ATP8A2: variants seen among roughly 807,000 people sequenced by gnomAD.
ATP8A2 encodes phospholipid-transporting ATPase IB.
ATP8A2 carries 100 observed loss-of-function variants against 165.6 expected under a neutral mutation model. The observed-to-expected ratio is 0.60, with a 90% CI of 0.51 to 0.71. ATP8A2 has a LOEUF of 0.71. Among genes scored for constraint, ATP8A2 ranks in the 30% least tolerant of loss-of-function variants. The probability of loss-of-function intolerance (pLI) is 0.00; values close to 1 mark genes in which losing one functional copy is unlikely to be tolerated. For synonymous variants in ATP8A2, 543 were observed against 548.8 expected (o/e 0.99, Z 0.15); for missense variants, 1,227 against 1,479.5 (o/e 0.83, Z 2.80).
rs1163554230 is a variant in ATP8A2 at position 25,935,759 on chromosome 13, A to T, written c.3184-25816A>T. Among the ~76,000 whole-genome samples, 11 of 152,310 alleles carry T rather than the reference A, an allele frequency of 7.2e-5. No homozygotes were observed. The East Asian group carries it at 1.9e-3, about 27-fold the overall frequency. Reference sequence around the variant, plus strand: ...CCCCATGGTCCAAACACCTCCCATGAGACCCCACCTTCAACGTGGGGGATC... The same window carrying T: ...CCCCATGGTCCAAACACCTCCCATGTGACCCCACCTTCAACGTGGGGGATC... On this transcript the variant is annotated intron_variant, in intron 33 of 36. Transcript: ENST00000381655.
At chr13:25,407,947 C>A (rs1022603317) in intron 1 of ATP8A2, among the ~76,000 whole-genome samples, 12 of 152,126 alleles carry the variant, frequency 7.9e-5, no homozygotes, top group African/African-American at 2.4e-4. Context: ...AGCATTAGGA[C>A]AAATACATAA....
rs374290230 is a variant in ATP8A2, at chr13:25,501,101, G to C, written c.222-28898G>C. 3.3e-5 allele frequency among the ~76,000 whole-genome samples: 5 copies of C among 152,156 alleles called. No individual in the cohort carries two copies. In the East Asian group the frequency reaches 7.7e-4, roughly 23 times the overall value. ...TTTAGAAGTATGGTTGGGCAGAAAG[G>C]GGGAGGCATGAAAGAGATGCAGAAG... is the stretch of plus-strand genomic sequence containing the variant. On this transcript the variant is annotated intron_variant, in intron 2 of 36. Coordinates refer to ENST00000381655, the MANE Select transcript of ATP8A2 (RefSeq NM_016529.6).
chr13:25,983,787 G>C (rs1193037692), intron 35 of ATP8A2, among the ~76,000 whole-genome samples: 2 of 152,096 alleles, frequency 1.3e-5, no homozygotes, highest in Admixed American at 1.3e-4. Context: ...GAAACAGTAA[G>C]GTAATGATGA....
At chr13:25,812,881 A>G (rs1040766206) in intron 27 of ATP8A2, among the ~76,000 whole-genome samples, 2 of 152,184 alleles carry the variant, frequency 1.3e-5, no homozygotes, top group African/African-American at 4.8e-5. Context: ...CATATACACC[A>G]TAGAATACTG....
chr13:25,562,049 T>C (rs2039172120), intron 15 of ATP8A2, among the ~76,000 whole-genome samples: 1 of 152,214 alleles, frequency 6.6e-6, no homozygotes, highest in Admixed American at 6.5e-5. Flanking sequence ...GCTTCCACCT[T>C]TTGGCTACTG....
chr13:25,751,181 T>G (rs2044146505), intron 25 of ATP8A2, among the ~76,000 whole-genome samples: 2 of 152,358 alleles, frequency 1.3e-5, no homozygotes, highest in Non-Finnish European at 2.9e-5. Context: ...TTACTTTGAA[T>G]TCAACCTCGT....
intron 33 of ATP8A2, among the ~76,000 whole-genome samples, chr13:25,879,411 G>A (rs1407290297): frequency 6.6e-6 from 1 of 152,126 alleles, no homozygotes; most frequent in African/African-American, 2.4e-5. Flanking sequence ...AAAAATGGAC[G>A]TTACTTAATA....
At chr13:25,975,858 G>T (rs1162997900) in intron 35 of ATP8A2, among the ~76,000 whole-genome samples, 1 of 152,134 alleles carries the variant, frequency 6.6e-6, no homozygotes, top group African/African-American at 2.4e-5. Flanking sequence ...CAGCATGCTT[G>T]TTTATGTTAT....
chr13:25,601,875 G>A (rs1423842297), intron 24 of ATP8A2, among the ~76,000 whole-genome samples: 4 of 152,218 alleles, frequency 2.6e-5, no homozygotes, highest in Admixed American at 6.5e-5. Context: ...CTCATGGTCC[G>A]TTGAGTGCTT....
Position 25,961,598 on chromosome 13 carries a change from A to T in ATP8A2, c.3207A>T (p.Ala1069=). The change falls in exon 34 of 37, where the codon GCA becomes GCT. Residue 1069 remains alanine, a synonymous_variant. Coordinates refer to ENST00000381655, the MANE Select transcript of ATP8A2 (RefSeq NM_016529.6). ...RGQATMVLSS[A]HFWLGLFLVP... is the part of the protein sequence containing the mutation. ...AGGCAACTATGGTCCTGAGCTCCGC[A>T]CACTTCTGGTTGGGATTATTTCTGG... The T allele has an allele frequency of 6.2e-7, 1 of 1,614,112 alleles. No individual in the cohort carries two copies. Among genetic ancestry groups the T allele is most frequent in the South Asian group, 1.1e-5 (1 of 91,080 alleles).
At position 25,441,423 on chromosome 13, in the gene ATP8A2, A is replaced by C. The variant is rs1056003581; in HGVS notation, c.77-27554A>C. 4.6e-5 allele frequency among the ~76,000 whole-genome samples: 7 copies of C among 152,200 alleles called. No individual in the cohort carries two copies. In the East Asian group the frequency reaches 1.3e-3, roughly 29 times the overall value. On this transcript the variant is annotated intron_variant, in intron 1 of 36. Coordinates refer to ENST00000381655, the MANE Select transcript of ATP8A2 (RefSeq NM_016529.6). ...AATGTCACAGACTTGAGCACAGAAG[A>C]ACTGACAGTGATTTATATCAAATCC...
At chr13:25,606,886 T>C (rs1403581625) in intron 24 of ATP8A2, among the ~76,000 whole-genome samples, 1 of 152,170 alleles carries the variant, frequency 6.6e-6, no homozygotes, top group East Asian at 1.9e-4. Flanking sequence ...TAGTGGCTAC[T>C]GTACAAGGCA....
intron 24 of ATP8A2, among the ~76,000 whole-genome samples, chr13:25,624,211 G>A (rs1196627399): frequency 1.3e-5 from 2 of 152,106 alleles, no homozygotes; most frequent in Admixed American, 1.3e-4. Context: ...AAGGACTGTG[G>A]GCATTTCTTT....
chr13:25,666,930 G>A (rs911198484), intron 24 of ATP8A2, among the ~76,000 whole-genome samples: 4 of 152,060 alleles, frequency 2.6e-5, no homozygotes, highest in African/African-American at 9.7e-5. Context: ...TTTACCATAA[G>A]CAGAATGAAA....
intron 27 of ATP8A2, among the ~76,000 whole-genome samples, chr13:25,784,055 A>G (rs1434489854): frequency 2.0e-5 from 3 of 152,170 alleles, no homozygotes; most frequent in Non-Finnish European, 2.9e-5. Flanking sequence ...GAACTTTATA[A>G]AAATAGACTC....
intron 25 of ATP8A2, among the ~76,000 whole-genome samples, chr13:25,762,397 C>G (rs968462561): frequency 2.0e-5 from 3 of 148,166 alleles, no homozygotes; most frequent in Non-Finnish European, 4.5e-5. Context: ...ATATCTGTCT[C>G]TTGAATCACA....
At chr13:25,461,251 C>A (rs1347204629) in intron 1 of ATP8A2, among the ~76,000 whole-genome samples, 1 of 152,178 alleles carries the variant, frequency 6.6e-6, no homozygotes, top group East Asian at 1.9e-4. Context: ...AAAGGAGGGT[C>A]TTGAAAAGGC....
At chr13:25,776,918 A>C (rs1279446992) in intron 27 of ATP8A2, among the ~76,000 whole-genome samples, 1 of 151,612 alleles carries the variant, frequency 6.6e-6, no homozygotes, top group Admixed American at 6.6e-5. Context: ...TTCACTTTTC[A>C]GATCGTCCCC....
In ATP8A2 at chr13:25,953,063, A is replaced by T. The variant is rs1362890937; in HGVS notation, c.3184-8512A>T. Among the ~76,000 whole-genome samples, 1 of 152,212 alleles carries T rather than the reference A, an allele frequency of 6.6e-6. No individual in the cohort carries two copies. Among genetic ancestry groups the T allele is most frequent in the African/African-American group, 2.4e-5 (1 of 41,456 alleles). On this transcript the variant is annotated intron_variant, in intron 33 of 36. Coordinates refer to ENST00000381655, the MANE Select transcript of ATP8A2 (RefSeq NM_016529.6). This position sits in a 1 kb window ranked among gnomAD's most constrained non-coding sequence, Gnocchi z 6.7. ...CTGAGAAGAGAAGGTGGCAATGGCA[A>T]CTGCAAGGGTTCTTCCAAATCCGAT...
Sources: allele counts gnomAD v4.1 joint callset (sites outside exome capture counted in the v4.1 genomes callset), GRCh38; gene constraint gnomAD v4.1.1; non-coding constraint Gnocchi (gnomAD v3.1); transcripts MANE v1.5; gene names NCBI Gene and HGNC (gene_info 2026-07-23, HGNC 2026-07-21).